FAM171A1: variants seen among roughly 807,000 people sequenced by gnomAD.
The protein encoded by FAM171A1 is family with sequence similarity 171 member A1, also known as protein FAM171A1.
In FAM171A1, 23 loss-of-function variants were observed where a neutral mutation model predicts 74.9. That is an observed-to-expected ratio of 0.31 (90% CI 0.22 to 0.44). The LOEUF is 0.44. Among genes scored for constraint, FAM171A1 ranks in the 20% least tolerant of loss-of-function variants. FAM171A1 has a pLI of 1.00. For synonymous variants in FAM171A1, 527 were observed against 505.7 expected (o/e 1.04, Z -0.57); for missense variants, 1,162 against 1,159.2 (o/e 1.00, Z -0.03).
At chr10:15,340,496 C>G (rs1835752979) in intron 1 of FAM171A1, among the ~76,000 whole-genome samples, 1 of 152,168 alleles carries the variant, frequency 6.6e-6, no homozygotes, top group African/African-American at 2.4e-5. Context: ...GCTGAACTCA[C>G]TATGTCAAAG....
upstream of FAM171A1, among the ~76,000 whole-genome samples, chr10:15,373,180 T>A (rs934257734): frequency 2.6e-5 from 4 of 152,190 alleles, no homozygotes; most frequent in African/African-American, 9.6e-5. Flanking sequence ...TTAGGACCAA[T>A]GCTGCAATTT....
chr10:15,213,993 A>G lies in FAM171A1; in HGVS notation c.1595T>C (p.Leu532Pro). 3 of 1,614,182 alleles carry G rather than the reference A, an allele frequency of 1.9e-6. No individual in the cohort carries two copies. The highest frequency in any genetic ancestry group is 2.5e-6 in the Non-Finnish European group (3 of 1,180,038). ...APSSPEKEQL[L>P]DRRPTECMMS... The stretch of plus-strand genomic sequence containing the variant: ...CATACATTCAGTGGGTCTGCGGTCC[A>G]GCAGCTGTTCTTTCTCAGGTGATGA... The change falls in exon 8 of 8, where the codon CTG (leucine) becomes CCG (proline). Residue 532 changes from leucine (L) to proline (P), a missense_variant. By Grantham distance (98) the Leu-to-Pro change is moderately conservative (BLOSUM62 -3). Coordinates refer to ENST00000378116, the MANE Select transcript of FAM171A1 (RefSeq NM_001010924.2). The surrounding 1 kb of genome is among the most constrained non-coding windows in gnomAD (Gnocchi z 6.8).
intron 3 of FAM171A1, among the ~76,000 whole-genome samples, chr10:15,258,054 C>CTCTTTT (rs970858025): frequency 2.0e-5 from 3 of 152,032 alleles, no homozygotes; most frequent in South Asian, 2.1e-4. Flanking sequence ...TCTTTCTTTT[C>CTCTTTT]TCTTTTTCTT....
intron 5 of FAM171A1, among the ~76,000 whole-genome samples, chr10:15,225,427 G>T (rs1320363486): frequency 3.3e-5 from 5 of 152,140 alleles, no homozygotes. Flanking sequence ...CACTCTTTGG[G>T]GATTCAACAA....
At chr10:15,332,431 T>C (rs1835650776) in intron 1 of FAM171A1, among the ~76,000 whole-genome samples, 1 of 152,210 alleles carries the variant, frequency 6.6e-6, no homozygotes, top group South Asian at 2.1e-4. Context: ...TTTCTATACT[T>C]CTCAATGCTG....
chr10:15,214,082 G>T lies in FAM171A1; in HGVS notation c.1506C>A (p.Asp502Glu). Residue 502 changes from aspartate to glutamate, a missense_variant, in exon 8 of 8, where the codon GAC (aspartate) becomes GAA (glutamate). Asp to Glu is a conservative substitution (Grantham distance 45, BLOSUM62 2). Coordinates refer to ENST00000378116, the MANE Select transcript of FAM171A1 (RefSeq NM_001010924.2). ...TTCCCGTGGAGGCTGGACCTTCTCTGTCCTGCTTTTCAAATAAAGGCTGTG... is the reference window on the plus strand; with the variant it reads ...TTCCCGTGGAGGCTGGACCTTCTCTTTCCTGCTTTTCAAATAAAGGCTGTG... ...VLSQPLFEKQDREGPASTGSK... is the reference protein window; with the variant it reads ...VLSQPLFEKQEREGPASTGSK... 6.2e-7 allele frequency: 1 copy of T among 1,614,192 alleles called. No homozygotes were observed. Among genetic ancestry groups the T allele is most frequent in the Non-Finnish European group, 8.5e-7 (1 of 1,180,046 alleles).
chr10:15,213,443 C>G lies in FAM171A1; in HGVS notation c.2145G>C (p.Arg715Ser). ...ATGAATGTCTAACGTGAGCGTTGGACCTGCCATCCAAGGAGACGAACCACG... is the reference window on the plus strand; with the variant it reads ...ATGAATGTCTAACGTGAGCGTTGGAGCTGCCATCCAAGGAGACGAACCACG... ...PRAWFVSLDG[R>S]SNAHVRHSYI... Residue 715 changes from arginine to serine, a missense_variant, in exon 8 of 8, where the codon AGG becomes AGC. Transcript: ENST00000378116. The surrounding 1 kb of genome is among the most constrained non-coding windows in gnomAD (Gnocchi z 6.8). The G allele has an allele frequency of 1.2e-6, 2 of 1,614,188 alleles. No homozygotes were observed. Among genetic ancestry groups the G allele is most frequent in the Non-Finnish European group, 1.7e-6 (2 of 1,180,040 alleles).
intron 1 of FAM171A1, among the ~76,000 whole-genome samples, chr10:15,340,716 T>C (rs1835755134): frequency 6.6e-6 from 1 of 152,212 alleles, no homozygotes; most frequent in South Asian, 2.1e-4. Context: ...AGGAGTGGTT[T>C]GGAGTAAACA....
At chr10:15,267,446 T>C (rs976242228) in intron 3 of FAM171A1, among the ~76,000 whole-genome samples, 1 of 151,598 alleles carries the variant, frequency 6.6e-6, no homozygotes, top group African/African-American at 2.4e-5. Flanking sequence ...CTACTAAAAA[T>C]ACCAAAATTA....
At chr10:15,330,694 A>G (rs1456339217) in intron 1 of FAM171A1, among the ~76,000 whole-genome samples, 1 of 145,536 alleles carries the variant, frequency 6.9e-6, no homozygotes, top group African/African-American at 2.5e-5. Flanking sequence ...CCTCTGAAGC[A>G]TATTTTTTTC....
At chr10:15,233,797 G>A (rs1834242366) in intron 5 of FAM171A1, among the ~76,000 whole-genome samples, 1 of 151,826 alleles carries the variant, frequency 6.6e-6, no homozygotes, top group East Asian at 1.9e-4. Flanking sequence ...AGCTATTCGG[G>A]AGGCTGAGGC....
intron 1 of FAM171A1, among the ~76,000 whole-genome samples, chr10:15,322,224 T>C (rs1452437108): frequency 3.3e-5 from 5 of 152,188 alleles, no homozygotes; most frequent in Admixed American, 1.3e-4. Context: ...GTTGCTTTCT[T>C]TGACAGCTGT....
chr10:15,320,278 T>C (rs1406606154), intron 1 of FAM171A1, among the ~76,000 whole-genome samples: 2 of 152,264 alleles, frequency 1.3e-5, no homozygotes, highest in African/African-American at 4.8e-5. Context: ...AGTTGATCCA[T>C]GTTGCTGCAA....
chr10:15,331,880 CATATAT>C lies in FAM171A1; in HGVS notation c.97+39070_97+39075del, dbSNP rs71390031. 7.8e-3 allele frequency among the ~76,000 whole-genome samples: 463 copies of C among 59,690 alleles called. 41 individuals carry two copies. Among genetic ancestry groups the C allele is most frequent in the Admixed American group, 0.011 (56 of 5,080 alleles). 39.2% of individuals were successfully genotyped at this position (59,690 alleles called of 152,430 possible). On this transcript the variant is annotated intron_variant, in intron 1 of 7. Transcript: ENST00000378116. ...GTGTGTATATATATGTGTGTGTATA[CATATAT>C]ATATATATATGAAACAATTAAGATT...
intron 1 of FAM171A1, among the ~76,000 whole-genome samples, chr10:15,285,023 G>C (rs973670102): frequency 1.3e-5 from 2 of 150,934 alleles, no homozygotes; most frequent in African/African-American, 4.9e-5. Context: ...GAAACAAACA[G>C]AATGTTACAA....
At chr10:15,347,398 C>T (rs1052701811) in intron 1 of FAM171A1, among the ~76,000 whole-genome samples, 194 of 152,268 alleles carry the variant, frequency 1.3e-3, no homozygotes, top group African/African-American at 4.4e-3. Flanking sequence ...CTGGAGGTGA[C>T]CTAAAAGCAG....
chr10:15,245,326 C>A (rs1184383174), intron 5 of FAM171A1, among the ~76,000 whole-genome samples: 1 of 152,158 alleles, frequency 6.6e-6, no homozygotes, highest in Non-Finnish European at 1.5e-5. Flanking sequence ...CTTGGCCTCC[C>A]AAAGTGCTGG....
At chr10:15,255,451 T>C (rs761124588) in intron 3 of FAM171A1, among the ~76,000 whole-genome samples, 17 of 152,266 alleles carry the variant, frequency 1.1e-4, no homozygotes, top group Admixed American at 3.9e-4. Context: ...ATCCAGTCTA[T>C]TCTGGAGGCG....
chr10:15,246,859 A>G (rs2131754974), intron 5 of FAM171A1, among the ~76,000 whole-genome samples: 1 of 152,296 alleles, frequency 6.6e-6, no homozygotes, highest in Middle Eastern at 3.4e-3. Flanking sequence ...TCAGGGCACT[A>G]GGAAGCAAAG....
Sources: gnomAD v4.1 joint callset for allele counts (sites outside exome capture counted in the v4.1 genomes callset) on GRCh38, gnomAD v4.1.1 for gene constraint, Gnocchi (gnomAD v3.1) non-coding constraint, MANE v1.5 for transcripts, NCBI Gene and HGNC (gene_info 2026-07-23, HGNC 2026-07-21) for gene names.